UNC5D: variants seen among roughly 807,000 people sequenced by gnomAD.
UNC5D encodes unc-5 netrin receptor D.
Under a neutral mutation model 105.4 loss-of-function variants are expected in UNC5D, and 39 were observed. The ratio of observed to expected loss-of-function variants is 0.37; its 90% CI spans 0.29 to 0.48. The LOEUF (loss-of-function observed/expected upper bound fraction) is 0.48, where lower values mean the gene tolerates loss of function less well. Ranked by LOEUF, UNC5D falls within the 20% of genes least tolerant of loss-of-function variation. The probability of loss-of-function intolerance (pLI) is 0.98; values close to 1 mark genes in which losing one functional copy is unlikely to be tolerated. For synonymous variants in UNC5D, 452 were observed against 450.4 expected, an observed-to-expected ratio of 1.00 and a Z score of -0.04; for missense variants, 991 against 1,202.4, an observed-to-expected ratio of 0.82 and a Z score of 2.60.
chr8:35,306,354 T>C, intron 1 of UNC5D, among the ~76,000 whole-genome samples: 1 of 152,210 alleles, frequency 6.6e-6, no homozygotes, highest in Non-Finnish European at 1.5e-5. Context: ...TATTTTTAGG[T>C]TAAAATATAA....
intron 7 of UNC5D, among the ~76,000 whole-genome samples, chr8:35,691,347 T>C (rs1826374349): frequency 6.6e-6 from 1 of 151,952 alleles, no homozygotes; most frequent in Non-Finnish European, 1.5e-5. Flanking sequence ...ACTAGCCAAG[T>C]GTGGTGGTGC....
At chr8:35,262,695 T>G (rs1420583170) in intron 1 of UNC5D, among the ~76,000 whole-genome samples, 1 of 152,166 alleles carries the variant, frequency 6.6e-6, no homozygotes, top group Non-Finnish European at 1.5e-5. Flanking sequence ...ATGTCCTGTT[T>G]CCAGGGAGGT....
intron 3 of UNC5D, among the ~76,000 whole-genome samples, chr8:35,584,429 T>C (rs1298586301): frequency 6.6e-6 from 1 of 152,052 alleles, no homozygotes; most frequent in Non-Finnish European, 1.5e-5. Flanking sequence ...TGTTTTGTTT[T>C]ATAGAGACAG....
intron 7 of UNC5D, 61 bp from the exon 8 acceptor site, chr8:35,705,868 A>AT (rs1443470007): frequency 9.2e-7 from 1 of 1,081,510 alleles, no homozygotes; most frequent in Non-Finnish European, 1.3e-6. Context: ...AACAGGAAAT[A>AT]TATCTGCTCC....
At chr8:35,465,081 T>A (rs576694795) in intron 1 of UNC5D, among the ~76,000 whole-genome samples, 2 of 152,316 alleles carry the variant, frequency 1.3e-5, no homozygotes, top group South Asian at 4.1e-4. Flanking sequence ...GATTATATTC[T>A]TTATGACAAG....
chr8:35,743,139 A>T (rs1460414174), intron 11 of UNC5D, among the ~76,000 whole-genome samples: 1 of 152,136 alleles, frequency 6.6e-6, no homozygotes, highest in East Asian at 1.9e-4. Context: ...GAAACAATGG[A>T]CTTATATTGT....
At chr8:35,679,134 C>T (rs2131318607) in intron 4 of UNC5D, among the ~76,000 whole-genome samples, 1 of 152,174 alleles carries the variant, frequency 6.6e-6, no homozygotes, top group East Asian at 1.9e-4. Context: ...CCTGTAGTCC[C>T]AGCTAGTCAG....
chr8:35,511,797 G>A (rs1009858158), intron 1 of UNC5D, among the ~76,000 whole-genome samples: 2 of 151,972 alleles, frequency 1.3e-5, no homozygotes, highest in Non-Finnish European at 2.9e-5. Context: ...GTTGGGCTAC[G>A]TTCAAAGCCG....
chr8:35,304,880 G>T (rs764971982), intron 1 of UNC5D, among the ~76,000 whole-genome samples: 11 of 151,994 alleles, frequency 7.2e-5, no homozygotes, highest in Non-Finnish European at 1.6e-4. Context: ...AATTACTTTT[G>T]CATGCTAGCC....
intron 1 of UNC5D, among the ~76,000 whole-genome samples, chr8:35,324,224 C>A (rs1026725759): frequency 7.6e-5 from 7 of 91,584 alleles, no homozygotes; most frequent in Non-Finnish European, 1.8e-4. Context: ...CAGAGCAAGA[C>A]CCTGTCTCCA....
intron 2 of UNC5D, among the ~76,000 whole-genome samples, chr8:35,564,485 G>T (rs1178484002): frequency 1.3e-5 from 2 of 152,232 alleles, no homozygotes; most frequent in East Asian, 3.9e-4. Flanking sequence ...CGTTTGCCCA[G>T]AGAGGAAAAC....
intron 4 of UNC5D, among the ~76,000 whole-genome samples, chr8:35,604,685 T>C (rs923927636): frequency 7.9e-5 from 12 of 152,192 alleles, no homozygotes; most frequent in African/African-American, 2.9e-4. Flanking sequence ...GTATACCAAT[T>C]AGACGTAGAT....
chr8:35,769,740 G>A (rs950258676), intron 15 of UNC5D, among the ~76,000 whole-genome samples: 44 of 152,204 alleles, frequency 2.9e-4, no homozygotes, highest in African/African-American at 8.9e-4. Flanking sequence ...CGAGGTAGGC[G>A]GATCACAAGG....
At chr8:35,598,547 G>T (rs538827663) in intron 4 of UNC5D, among the ~76,000 whole-genome samples, 36 of 152,224 alleles carry the variant, frequency 2.4e-4, no homozygotes, top group African/African-American at 8.2e-4. Context: ...CCACTACTAG[G>T]TATATATACA....
intron 11 of UNC5D, among the ~76,000 whole-genome samples, chr8:35,741,499 G>A (rs1295545573): frequency 6.6e-6 from 1 of 152,090 alleles, no homozygotes; most frequent in African/African-American, 2.4e-5. Context: ...CTGCCCCTAT[G>A]AATGGACTAT....
chr8:35,493,303 A>AAAAC (rs1714059846), intron 1 of UNC5D, among the ~76,000 whole-genome samples: 1 of 149,408 alleles, frequency 6.7e-6, no homozygotes, highest in African/African-American at 2.5e-5. Flanking sequence ...AAAAAAAAAA[A>AAAAC]ACACACCAAA....
At chr8:35,251,780 G>A (rs1443937255) in intron 1 of UNC5D, among the ~76,000 whole-genome samples, 2 of 152,028 alleles carry the variant, frequency 1.3e-5, no homozygotes, top group African/African-American at 2.4e-5. Context: ...AATGATAAGA[G>A]GCCATATTTA....
intron 2 of UNC5D, among the ~76,000 whole-genome samples, chr8:35,564,755 C>T (rs1258523738): frequency 6.6e-6 from 1 of 152,096 alleles, no homozygotes; most frequent in Non-Finnish European, 1.5e-5. Flanking sequence ...TCCAATCCTC[C>T]CCACTTCTGA....
At chr8:35,471,450 G>A (rs1809718804) in intron 1 of UNC5D, among the ~76,000 whole-genome samples, 1 of 152,120 alleles carries the variant, frequency 6.6e-6, no homozygotes, top group African/African-American at 2.4e-5. Context: ...AATAATTAAA[G>A]TGAATTATAA....
Sources: allele counts gnomAD v4.1 joint callset (sites outside exome capture counted in the v4.1 genomes callset), GRCh38; gene constraint gnomAD v4.1.1; transcripts MANE v1.5; gene names NCBI Gene and HGNC (gene_info 2026-07-23, HGNC 2026-07-21).